The following KHDRBS2 variants were observed in gnomAD, a reference collection of about 807,000 sequenced individuals.
KHDRBS2 encodes KH RNA binding domain containing, signal transduction associated 2, also known as KH domain-containing, RNA-binding, signal transduction-associated protein 2.
KHDRBS2 carries 26 observed loss-of-function variants against 44.3 expected under a neutral mutation model. The observed-to-expected ratio is 0.59, with a 90% CI of 0.43 to 0.81. The LOEUF is 0.81. Ranked by LOEUF, KHDRBS2 falls within the 40% of genes least tolerant of loss-of-function variation. The probability of loss-of-function intolerance (pLI) is 0.00; values close to 1 mark genes in which losing one functional copy is unlikely to be tolerated. For synonymous variants in KHDRBS2, 194 were observed against 151.1 expected (o/e 1.28, Z -2.08); for missense variants, 476 against 433.1 (o/e 1.10, Z -0.88).
At chr6:61,562,378 T>C in the KHDRBS2 span, among the ~76,000 whole-genome samples, 2 of 152,232 alleles carry the variant, frequency 1.3e-5, no homozygotes, top group African/African-American at 4.8e-5. Context: ...CACAGGGTGG[T>C]CCTCAAGTGT....
At chr6:61,650,633 G>T in the KHDRBS2 span, among the ~76,000 whole-genome samples, 1 of 150,948 alleles carries the variant, frequency 6.6e-6, no homozygotes, top group African/African-American at 2.4e-5. Context: ...TTAGGCCAAG[G>T]ATCTAAACAA....
chr6:62,085,575 T>A (rs1798230662), intron 2 of KHDRBS2, among the ~76,000 whole-genome samples: 2 of 152,138 alleles, frequency 1.3e-5, no homozygotes, highest in African/African-American at 4.8e-5. Flanking sequence ...GTTTAATGTA[T>A]AAATGACGTG....
rs1801438714 is a variant in KHDRBS2 at position 61,889,242 on chromosome 6, A to G, written c.810+5393T>C. ...AGAGGCTGAAACGATTATTCCCATT[A>G]TATAGAAGAGATCCAAACCTCAAAG... On this transcript the variant is annotated intron_variant, in intron 6 of 8. Transcript: ENST00000281156. 2.6e-5 allele frequency among the ~76,000 whole-genome samples: 4 copies of G among 152,170 alleles called. No homozygotes were observed. In the South Asian group the frequency reaches 8.3e-4, roughly 32 times the overall value.
intron 2 of KHDRBS2, among the ~76,000 whole-genome samples, chr6:62,088,017 T>A (rs1227382862): frequency 6.6e-6 from 1 of 152,222 alleles, no homozygotes. Flanking sequence ...TTCACGAAGT[T>A]CTCATGCTGT....
chr6:61,677,354 T>C (rs1285182893), downstream of KHDRBS2, among the ~76,000 whole-genome samples: 2 of 151,914 alleles, frequency 1.3e-5, no homozygotes, highest in African/African-American at 4.8e-5. Flanking sequence ...ACAAAAATAG[T>C]GACAATTTTT....
chr6:61,962,444 G>C (rs1305681846), intron 4 of KHDRBS2, among the ~76,000 whole-genome samples: 2 of 152,024 alleles, frequency 1.3e-5, no homozygotes, highest in African/African-American at 4.8e-5. Context: ...TCTATGGGCT[G>C]CACACTCTAA....
intron 5 of KHDRBS2, among the ~76,000 whole-genome samples, chr6:61,898,569 T>C (rs1032074732): frequency 2.0e-5 from 3 of 151,974 alleles, no homozygotes; most frequent in Admixed American, 6.6e-5. Context: ...GACTATGCCA[T>C]GTATGTCAAG....
chr6:61,938,385 G>A (rs1489454352), intron 4 of KHDRBS2, among the ~76,000 whole-genome samples: 2 of 152,106 alleles, frequency 1.3e-5, no homozygotes, highest in Admixed American at 6.6e-5. Context: ...AACAGGATAT[G>A]CTATAAAGAT....
In KHDRBS2 at chr6:61,857,533, T is replaced by C. The variant is rs536022065; in HGVS notation, c.810+37102A>G. Reference sequence around the variant, plus strand: ...AAATAATATTCTCTGGGTTCTGATATAACTTATAATCAATGTTTCCATGGA... The same window carrying C: ...AAATAATATTCTCTGGGTTCTGATACAACTTATAATCAATGTTTCCATGGA... On this transcript the variant is annotated intron_variant, in intron 6 of 8. Transcript: ENST00000281156. Among the ~76,000 whole-genome samples the C allele has an allele frequency of 4.6e-5, 7 of 152,140 alleles. No individual in the cohort carries two copies. The South Asian group carries it at 1.4e-3, about 32-fold the overall frequency.
the KHDRBS2 span, chr6:61,661,508 C>G: frequency 6.6e-6 from 1 of 151,872 alleles, no homozygotes; most frequent in Non-Finnish European, 1.5e-5. Context: ...CCAAAATAAA[C>G]TAAATTATCC....
chr6:61,599,969 A>G, the KHDRBS2 span, among the ~76,000 whole-genome samples: 1 of 152,210 alleles, frequency 6.6e-6, no homozygotes, highest in South Asian at 2.1e-4. Flanking sequence ...AATAAAGACT[A>G]TTTCTGGAAG....
At chr6:62,089,761 A>C (rs1425103821) in intron 2 of KHDRBS2, among the ~76,000 whole-genome samples, 2 of 152,130 alleles carry the variant, frequency 1.3e-5, no homozygotes, top group Admixed American at 1.3e-4. Context: ...ATTAAGACAC[A>C]TATTTGTTTT....
the KHDRBS2 span, among the ~76,000 whole-genome samples, chr6:61,611,870 C>T: frequency 6.6e-6 from 1 of 152,088 alleles, no homozygotes; most frequent in Non-Finnish European, 1.5e-5. Flanking sequence ...CCAGTGTTTC[C>T]ATGTTTATGT....
chr6:62,129,489 A>G (rs1268304010), intron 2 of KHDRBS2, among the ~76,000 whole-genome samples: 1 of 152,172 alleles, frequency 6.6e-6, no homozygotes, highest in Non-Finnish European at 1.5e-5. Context: ...AAATAGCAAT[A>G]AAACGGAACT....
intron 8 of KHDRBS2, among the ~76,000 whole-genome samples, chr6:61,689,952 T>C (rs1767213701): frequency 6.6e-6 from 1 of 152,016 alleles, no homozygotes; most frequent in South Asian, 2.1e-4. Flanking sequence ...GGTGATAGTT[T>C]TTTAAAATGC....
intron 3 of KHDRBS2, among the ~76,000 whole-genome samples, chr6:62,029,340 T>C (rs1398212033): frequency 1.3e-5 from 2 of 151,868 alleles, no homozygotes; most frequent in African/African-American, 4.8e-5. Context: ...TAACATGAAT[T>C]ATGTATAGTT....
intron 4 of KHDRBS2, among the ~76,000 whole-genome samples, chr6:61,910,388 A>C (rs1428227573): frequency 2.0e-5 from 3 of 152,208 alleles, no homozygotes; most frequent in African/African-American, 7.2e-5. Context: ...TTTTGTATAA[A>C]GGCTTTATAA....
At chr6:61,685,240 T>C (rs1177576992) in intron 8 of KHDRBS2, among the ~76,000 whole-genome samples, 4 of 151,854 alleles carry the variant, frequency 2.6e-5, no homozygotes, top group Admixed American at 2.0e-4. Context: ...TTAACTTATC[T>C]AAGAGAATTC....
At chr6:61,672,205 A>G in the KHDRBS2 span, among the ~76,000 whole-genome samples, 3 of 150,252 alleles carry the variant, frequency 2.0e-5, no homozygotes, top group Admixed American at 6.7e-5. Context: ...ATAGTATTCC[A>G]TGGTGTATAT....
Sources: gnomAD v4.1 joint callset for allele counts (sites outside exome capture counted in the v4.1 genomes callset) on GRCh38, gnomAD v4.1.1 for gene constraint, MANE v1.5 for transcripts, NCBI Gene and HGNC (gene_info 2026-07-23, HGNC 2026-07-21) for gene names.